NSF: variants seen among roughly 807,000 people sequenced by gnomAD.
The protein encoded by NSF is N-ethylmaleimide sensitive factor, vesicle fusing ATPase.
A neutral mutation model predicts 50.3 loss-of-function variants in NSF; 14 were observed. The observed-to-expected ratio is 0.28, with a 90% CI of 0.18 to 0.44. The LOEUF is 0.44. NSF is among the 20% of genes least tolerant of loss of function. The probability of loss-of-function intolerance (pLI) is 1.00; values close to 1 mark genes in which losing one functional copy is unlikely to be tolerated. For missense variants in NSF, 218 were observed against 504.3 expected, an observed-to-expected ratio of 0.43 and a Z score of 5.44; for synonymous variants, 109 against 175.7, an observed-to-expected ratio of 0.62 and a Z score of 3.00.
At chr17:46,741,731 A>G (rs1196258814) in intron 17 of NSF, among the ~76,000 whole-genome samples, 1 of 151,584 alleles carries the variant, frequency 6.6e-6, no homozygotes, top group African/African-American at 2.4e-5. Context: ...TGGGGAAACC[A>G]AGAGTTGTAG....
At chr17:46,744,564 T>C (rs1303958295) in intron 17 of NSF, among the ~76,000 whole-genome samples, 1 of 152,230 alleles carries the variant, frequency 6.6e-6, no homozygotes, top group Non-Finnish European at 1.5e-5. Context: ...TGTTCATAGG[T>C]TGAAATCAGC....
At chr17:46,717,690 C>T (rs566577994) in intron 15 of NSF, among the ~76,000 whole-genome samples, 4 of 152,058 alleles carry the variant, frequency 2.6e-5, no homozygotes, top group Non-Finnish European at 4.4e-5. Flanking sequence ...CCAGCCTGGG[C>T]GACAGAGCAA....
Position 46,710,950 on chromosome 17 carries a change from T to C in NSF, c.1471-13T>C, listed in dbSNP as rs373737837. On this transcript the variant is annotated splice_polypyrimidine_tract_variant and intron_variant, in intron 13 of 20. Coordinates refer to ENST00000398238, the MANE Select transcript of NSF (RefSeq NM_006178.4). Reference sequence around the variant, plus strand: ...TAAGGCTCAAAATGCTTTAGACTCCTTTTTCTTAATAGGCCTTTGGCACAA... The same window carrying C: ...TAAGGCTCAAAATGCTTTAGACTCCCTTTTCTTAATAGGCCTTTGGCACAA... 2.4e-5 allele frequency: 38 copies of C among 1,575,124 alleles called. No individual in the cohort carries two copies. In the African/African-American group the frequency reaches 5.1e-4, roughly 21 times the overall value.
At chr17:46,630,649 G>T in intron 4 of NSF, 199 bp downstream of exon 4, 1 of 495,836 alleles carries the variant, frequency 2.0e-6, no homozygotes, top group Non-Finnish European at 3.2e-6. Flanking sequence ...GTGTGATAAG[G>T]TCGTCATAGT....
At chr17:46,696,384 C>G (rs1304511720) in intron 12 of NSF, among the ~76,000 whole-genome samples, 1 of 140,774 alleles carries the variant, frequency 7.1e-6, no homozygotes, top group East Asian at 3.2e-4. Context: ...CGTGCAGTAA[C>G]AGAAAGTACA....
chr17:46,708,800 T>C (rs558985077), intron 13 of NSF, among the ~76,000 whole-genome samples: 1 of 109,046 alleles, frequency 9.2e-6, no homozygotes, highest in Non-Finnish European at 2.0e-5. Context: ...GGCCACCATT[T>C]ATTTTATATA....
rs565258856 is a variant in NSF, at chr17:46,745,708, C to T, written c.1909-4065C>T. Among the ~76,000 whole-genome samples, 4 of 152,314 alleles carry T rather than the reference C, an allele frequency of 2.6e-5. No homozygotes were observed. In the South Asian group the frequency reaches 8.3e-4, roughly 32 times the overall value. ...AGCTAAAAAAGAGAAGTAACAGTTA[C>T]CTTTAATCATACTGAGGATGTATCA... On this transcript the variant is annotated intron_variant, in intron 17 of 20. Transcript: ENST00000398238.
intron 15 of NSF, among the ~76,000 whole-genome samples, chr17:46,718,676 G>A (rs957902543): frequency 2.6e-5 from 4 of 152,032 alleles, no homozygotes; most frequent in African/African-American, 7.2e-5. Flanking sequence ...CTGACCGGCC[G>A]AATGACCTTG....
intron 16 of NSF, among the ~76,000 whole-genome samples, chr17:46,727,664 A>G (rs2058904802): frequency 6.6e-6 from 1 of 152,160 alleles, no homozygotes; most frequent in South Asian, 2.1e-4. Flanking sequence ...TAGGTTTGAT[A>G]CATCTCAGCC....
rs558480451 is a variant in NSF, at chr17:46,719,821, A to C, written c.1761+5835A>C. ...TGCTTTCTGAGTATACAATCAGTAG[A>C]GATGAAGTAGAACAATCAGATAGAA... is the stretch of plus-strand genomic sequence containing the variant. On this transcript the variant is annotated intron_variant, in intron 15 of 20. Coordinates refer to ENST00000398238, the MANE Select transcript of NSF (RefSeq NM_006178.4). This position sits in a 1 kb window ranked among gnomAD's most constrained non-coding sequence, Gnocchi z 4.3. Among the ~76,000 whole-genome samples the C allele has an allele frequency of 6.6e-6, 1 of 152,344 alleles. No homozygotes were observed. Among genetic ancestry groups the C allele is most frequent in the East Asian group, 1.9e-4 (1 of 5,192 alleles).
intron 1 of NSF, among the ~76,000 whole-genome samples, chr17:46,606,402 G>T (rs1169976555): frequency 1.3e-3 from 2 of 1,516 alleles, no homozygotes; most frequent in Admixed American, 6.2e-3. Context: ...AGGCAAGGAA[G>T]AAGTGAAAAA....
intron 1 of NSF, among the ~76,000 whole-genome samples, chr17:46,622,419 G>C (rs2146135217): frequency 6.7e-6 from 1 of 150,130 alleles, no homozygotes; most frequent in Non-Finnish European, 1.5e-5. Flanking sequence ...TATCGCACCA[G>C]GGCAGTCCAG....
In NSF at chr17:46,704,858, A is replaced by AGT. The variant is rs112396911; in HGVS notation, c.1470+5_1470+6dup. 0.16 allele frequency: 248,065 copies of AGT among 1,565,310 alleles called. No individual in the cohort carries two copies. Among genetic ancestry groups the AGT allele is most frequent in the Non-Finnish European group, 0.18 (212,441 of 1,149,886 alleles). ...TTTGGAGAATGATATCAAACCAGTG[A>AGT]GTATGCCCATTGAGTGATATATAGG... On this transcript the variant is annotated splice_donor_region_variant and intron_variant, in intron 13 of 20. Transcript: ENST00000398238.
At chr17:46,685,480 C>T (rs961887827) in intron 9 of NSF, among the ~76,000 whole-genome samples, 2 of 151,938 alleles carry the variant, frequency 1.3e-5, no homozygotes, top group African/African-American at 4.8e-5. Context: ...GAGATGAACA[C>T]TTGCATATAG....
intron 15 of NSF, among the ~76,000 whole-genome samples, chr17:46,721,140 G>A (rs1366587148): frequency 6.6e-6 from 1 of 152,172 alleles, no homozygotes; most frequent in East Asian, 1.9e-4. Context: ...CTCACGGAGT[G>A]CATGTGGCAC....
At chr17:46,707,875 A>G (rs1460789248) in intron 13 of NSF, among the ~76,000 whole-genome samples, 1 of 152,010 alleles carries the variant, frequency 6.6e-6, no homozygotes. Flanking sequence ...CTACTAAAAA[A>G]TACAAAAATT....
chr17:46,726,744 G>T (rs1248864908), intron 16 of NSF, 129 bp downstream of exon 16: 2 of 836,492 alleles, frequency 2.4e-6, no homozygotes. Flanking sequence ...TGTCTTACAA[G>T]GAAATATAAT....
chr17:46,733,149 C>T lies in NSF; in HGVS notation c.1908+4215C>T, dbSNP rs190930503. Among the ~76,000 whole-genome samples the T allele has an allele frequency of 3.6e-3, 552 of 152,278 alleles. 1 individual carries two copies. The highest frequency in any genetic ancestry group is 6.4e-3 in the Non-Finnish European group (437 of 68,032). ...GAGATTCCTAACGCCGTCTCTTTTACTTGATGACACTGGGGCTCTTTTCAA... is the reference window on the plus strand; with the variant it reads ...GAGATTCCTAACGCCGTCTCTTTTATTTGATGACACTGGGGCTCTTTTCAA... On this transcript the variant is annotated intron_variant, in intron 17 of 20. Transcript: ENST00000398238.
At chr17:46,755,232 C>G (rs73987022) in intron 19 of NSF, 82 bp from the exon 20 acceptor site, 10 of 1,044,484 alleles carry the variant, frequency 9.6e-6, no homozygotes, top group Middle Eastern at 2.0e-4. Flanking sequence ...AGTGTGAAAC[C>G]GAACACTGCC....
Sources: gnomAD v4.1 joint callset for allele counts (sites outside exome capture counted in the v4.1 genomes callset) on GRCh38, gnomAD v4.1.1 for gene constraint, Gnocchi (gnomAD v3.1) non-coding constraint, MANE v1.5 for transcripts, NCBI Gene and HGNC (gene_info 2026-07-23, HGNC 2026-07-21) for gene names.